VPS35: variants seen among roughly 807,000 people sequenced by gnomAD.
VPS35 encodes vacuolar protein sorting-associated protein 35.
A neutral mutation model predicts 98.1 loss-of-function variants in VPS35; 21 were observed. The observed-to-expected ratio is 0.21, with a 90% confidence interval of 0.15 to 0.31. The LOEUF (loss-of-function observed/expected upper bound fraction) is 0.31. VPS35 is among the 10% of genes least tolerant of loss of function. The probability of loss-of-function intolerance (pLI) is 1.00; values close to 1 mark genes in which losing one functional copy is unlikely to be tolerated. For missense variants in VPS35, 554 were observed against 950.8 expected, an observed-to-expected ratio of 0.58 and a Z score of 5.49; for synonymous variants, 268 against 318.2, an observed-to-expected ratio of 0.84 and a Z score of 1.68.
Position 46,657,967 on chromosome 16 carries a change from G to A in VPS35, c.*2505C>T, listed in dbSNP as rs925652164. The A allele has an allele frequency of 2.6e-5, 4 of 152,280 alleles. No individual in the cohort carries two copies. In the East Asian group the frequency reaches 7.7e-4, roughly 29 times the overall value. 9.4% of individuals were successfully genotyped at this position (152,280 alleles called of 1,614,324 possible). ...GACACAATAAAAATTACTAAAAAAG[G>A]AGAACAGGGAATAGCAGACACACAA... On this transcript the variant is annotated 3_prime_UTR_variant, in exon 17 of 17. Coordinates refer to ENST00000299138, the MANE Select transcript of VPS35 (RefSeq NM_018206.6).
At chr16:46,663,710 CTTT>C (rs369420422) in intron 13 of VPS35, among the ~76,000 whole-genome samples, 1 of 137,488 alleles carries the variant, frequency 7.3e-6, no homozygotes. Context: ...TTTTTCTTTC[CTTT>C]TTTTTTTTTC....
At chr16:46,660,830 A>AAC (rs919238401) in intron 16 of VPS35, 179 bp from the exon 17 acceptor site, 2 of 686,372 alleles carry the variant, frequency 2.9e-6, no homozygotes, top group Non-Finnish European at 5.1e-6. Flanking sequence ...CAAAAAAAAA[A>AAC]AAAAAAAAAC....
chr16:46,679,394 G>C (rs1212661150), intron 5 of VPS35, among the ~76,000 whole-genome samples: 1 of 152,098 alleles, frequency 6.6e-6, no homozygotes, highest in Non-Finnish European at 1.5e-5. Flanking sequence ...CCTCATCCTG[G>C]GCCAACTGGA....
At chr16:46,678,388 G>A (rs779316369) in intron 6 of VPS35, among the ~76,000 whole-genome samples, 1 of 151,720 alleles carries the variant, frequency 6.6e-6, no homozygotes, top group Non-Finnish European at 1.5e-5. Flanking sequence ...CATATTCAAG[G>A]CTGTCCTGGG....
Position 46,661,689 on chromosome 16 carries a change from T to C in VPS35, c.2211+29A>G. The C allele has an allele frequency of 1.3e-6, 2 of 1,580,822 alleles. No individual in the cohort carries two copies. The highest frequency in any genetic ancestry group is 1.1e-5 in the South Asian group (1 of 90,214). On this transcript the variant is annotated intron_variant, in intron 16 of 16. Transcript: ENST00000299138. This position sits in a 1 kb window ranked among gnomAD's most constrained non-coding sequence, Gnocchi z 4.3. ...AGAGTAGGAAGGGAAAATATTAGTT[T>C]ATTAACAACACTTTACTAATTCACT...
intron 6 of VPS35, among the ~76,000 whole-genome samples, chr16:46,678,194 C>T (rs187773861): frequency 2.6e-5 from 4 of 152,012 alleles, no homozygotes; most frequent in African/African-American, 9.6e-5. Flanking sequence ...GGTGCTTTTG[C>T]ACCATATCTG....
rs1254449170 is a variant in VPS35 at position 46,683,545 on chromosome 16, G to C, written c.65C>G (p.Ala22Gly). 6.2e-7 allele frequency: 1 copy of C among 1,614,012 alleles called. No individual in the cohort carries two copies. The highest frequency in any genetic ancestry group is 1.7e-5 in the Admixed American group (1 of 60,020). ...QEKLLDEAIQAVKVQSFQMKR... is the reference protein window; with the variant it reads ...QEKLLDEAIQGVKVQSFQMKR... Reference sequence around the variant, plus strand: ...CATTTGGAATGACTGGACCTTCACAGCCTGTATGGCTTCATCCAAGAGCTT... The same window carrying C: ...CATTTGGAATGACTGGACCTTCACACCCTGTATGGCTTCATCCAAGAGCTT... Residue 22 changes from alanine to glycine, a missense_variant, in exon 2 of 17, where the codon GCT (alanine) becomes GGT (glycine). Coordinates refer to ENST00000299138, the MANE Select transcript of VPS35 (RefSeq NM_018206.6).
chr16:46,669,929 A>G (rs1396944996), intron 12 of VPS35, among the ~76,000 whole-genome samples: 2 of 152,212 alleles, frequency 1.3e-5, no homozygotes, highest in Non-Finnish European at 2.9e-5. Context: ...AACTATATGC[A>G]TATTACTGGT....
chr16:46,673,143 T>C (rs1386848323), intron 10 of VPS35, among the ~76,000 whole-genome samples: 2 of 152,102 alleles, frequency 1.3e-5, no homozygotes, highest in Non-Finnish European at 2.9e-5. Context: ...TTTTTAATTT[T>C]ATTTTTTATT....
At chr16:46,674,769 A>G (rs1240540075) in intron 8 of VPS35, 109 bp from the exon 9 acceptor site, 1 of 1,097,008 alleles carries the variant, frequency 9.1e-7, no homozygotes, top group Non-Finnish European at 1.3e-6. Context: ...GTATGAGCCC[A>G]AAAGGTTTTT....
At chr16:46,682,345 C>T in intron 2 of VPS35, 170 bp from the exon 3 acceptor site, 1 of 601,402 alleles carries the variant, frequency 1.7e-6, no homozygotes, top group Non-Finnish European at 3.0e-6. Flanking sequence ...ACCTTGCCGT[C>T]TCTACTGAAA....
chr16:46,674,700 A>C (rs1289700853), intron 8 of VPS35, 40 bp from the exon 9 acceptor site: 2 of 1,507,596 alleles, frequency 1.3e-6, no homozygotes, highest in South Asian at 2.4e-5. Flanking sequence ...TAAAAGATAC[A>C]GGGTTTGGGT....
At chr16:46,666,541 T>C (rs1365870708) in intron 13 of VPS35, among the ~76,000 whole-genome samples, 2 of 152,090 alleles carry the variant, frequency 1.3e-5, no homozygotes, top group African/African-American at 2.4e-5. Context: ...GTGCTGCGAT[T>C]ACAGGCGTGA....
At chr16:46,684,485 T>C (rs1966282295) in intron 1 of VPS35, among the ~76,000 whole-genome samples, 1 of 152,222 alleles carries the variant, frequency 6.6e-6, no homozygotes, top group South Asian at 2.1e-4. Flanking sequence ...GCTTACACCA[T>C]TTCAGATATA....
intron 8 of VPS35, among the ~76,000 whole-genome samples, chr16:46,675,704 G>A (rs1311661465): frequency 1.3e-5 from 2 of 152,092 alleles, no homozygotes; most frequent in East Asian, 1.9e-4. Context: ...TTAGGTTTCT[G>A]GTTTCATGAC....
chr16:46,662,500 G>C lies in VPS35; in HGVS notation c.1828-18C>G, dbSNP rs748025800. ...GAAAATGCCTAGTGAACATAAAGCAGAAAGGACTTTCAAGGACCAACCATC... is the reference window on the plus strand; with the variant it reads ...GAAAATGCCTAGTGAACATAAAGCACAAAGGACTTTCAAGGACCAACCATC... On this transcript the variant is annotated intron_variant, in intron 14 of 16. Transcript: ENST00000299138. The C allele has an allele frequency of 6.2e-7, 1 of 1,612,864 alleles. No individual in the cohort carries two copies. Among genetic ancestry groups the C allele is most frequent in the East Asian group, 2.2e-5 (1 of 44,882 alleles).
chr16:46,681,604 T>A, intron 3 of VPS35, 104 bp from the exon 4 acceptor site: 2 of 1,348,372 alleles, frequency 1.5e-6, no homozygotes, highest in South Asian at 2.4e-5. Flanking sequence ...ATCTTAAGTT[T>A]TAGTCCTTTA....
At position 46,661,238 on chromosome 16, in the gene VPS35, A is replaced by ATTC. The variant is rs1965910865; in HGVS notation, c.2211+479_2211+480insGAA. On this transcript the variant is annotated intron_variant, in intron 16 of 16. Coordinates refer to ENST00000299138, the MANE Select transcript of VPS35 (RefSeq NM_018206.6). This position sits in a 1 kb window ranked among gnomAD's most constrained non-coding sequence, Gnocchi z 4.3. ...ACTGCGTTTAGGAATTATTATTATTATTATTTTTGAGACGGAGTTTCACTC... is the reference window on the plus strand; with the variant it reads ...ACTGCGTTTAGGAATTATTATTATTATTCTTATTTTTGAGACGGAGTTTCACTC... Among the ~76,000 whole-genome samples the ATTC allele has an allele frequency of 6.6e-6, 1 of 152,092 alleles. No homozygotes were observed. Among genetic ancestry groups the ATTC allele is most frequent in the Admixed American group, 6.6e-5 (1 of 15,256 alleles).
At chr16:46,679,375 T>G (rs974832800) in intron 5 of VPS35, among the ~76,000 whole-genome samples, 6 of 152,192 alleles carry the variant, frequency 3.9e-5, no homozygotes, top group Non-Finnish European at 8.8e-5. Context: ...CAAATTACTT[T>G]CCCCAACTCC....
Sources: gnomAD v4.1 joint callset for allele counts (sites outside exome capture counted in the v4.1 genomes callset) on GRCh38, gnomAD v4.1.1 for gene constraint, Gnocchi (gnomAD v3.1) non-coding constraint, MANE v1.5 for transcripts, NCBI Gene and HGNC (gene_info 2026-07-23, HGNC 2026-07-21) for gene names.